The following SLC39A11 variants were observed in gnomAD, a reference collection of about 807,000 sequenced individuals.
SLC39A11 encodes solute carrier family 39 member 11.
SLC39A11 carries 33 observed loss-of-function variants against 36.1 expected under a neutral mutation model. The ratio of observed to expected loss-of-function variants is 0.91; its 90% confidence interval spans 0.69 to 1.22. The LOEUF (loss-of-function observed/expected upper bound fraction) is 1.22, where lower values mean the gene tolerates loss of function less well. Among genes scored for constraint, SLC39A11 ranks in the 50% most tolerant of loss-of-function variants. SLC39A11 has a pLI of 0.00. For missense variants in SLC39A11, 432 were observed against 430.3 expected, an observed-to-expected ratio of 1.00 and a Z score of -0.03; for synonymous variants, 166 against 170.3, an observed-to-expected ratio of 0.97 and a Z score of 0.20.
chr17:73,088,638 C>G lies in SLC39A11; in HGVS notation c.108+19G>C. ...ACGGGCTCCCCACCAACATCCAGAA[C>G]CAAAGCAAGGCAACTCACCTGTCCA... On this transcript the variant is annotated intron_variant, in intron 2 of 9. Coordinates refer to ENST00000255559, the MANE Select transcript of SLC39A11 (RefSeq NM_139177.4). The G allele has an allele frequency of 1.2e-6, 2 of 1,601,764 alleles. No individual in the cohort carries two copies. Among genetic ancestry groups the G allele is most frequent in the Non-Finnish European group, 1.7e-6 (2 of 1,172,688 alleles).
intron 4 of SLC39A11, among the ~76,000 whole-genome samples, chr17:72,962,696 C>G (rs1181600592): frequency 6.6e-6 from 1 of 152,154 alleles, no homozygotes; most frequent in South Asian, 2.1e-4. Flanking sequence ...GCCACCACAC[C>G]TGGCTAAGTT....
intron 2 of SLC39A11, among the ~76,000 whole-genome samples, chr17:73,085,560 T>C (rs909624814): frequency 6.7e-6 from 1 of 149,082 alleles, no homozygotes; most frequent in Non-Finnish European, 1.5e-5. Flanking sequence ...GAGAATCCCT[T>C]GAACTCGGGA....
chr17:72,821,684 C>T (rs551377125), intron 6 of SLC39A11: 2 of 151,224 alleles, frequency 1.3e-5, no homozygotes, highest in East Asian at 3.9e-4. Context: ...TTTAAAAGAT[C>T]AAGTTCAACT....
At chr17:72,780,739 G>A (rs1343713534) in intron 6 of SLC39A11, among the ~76,000 whole-genome samples, 1 of 152,084 alleles carries the variant, frequency 6.6e-6, no homozygotes, top group Non-Finnish European at 1.5e-5. Flanking sequence ...GTTAATCCCA[G>A]CACTTTGGGA....
Position 72,649,229 on chromosome 17 carries a change from C to A in SLC39A11, c.711G>T (p.Glu237Asp). Residue 237 changes from glutamate to aspartate, a missense_variant, in exon 8 of 10, where the codon GAG (glutamate) becomes GAT (aspartate). Physicochemically the swap from Glu to Asp is conservative, Grantham distance 45. Transcript: ENST00000255559. ...GCAAGGGAAGGCTGACAGCCAGGCC[C>A]TCGGGGAAATTCTGGATCCCGATTC... Reference protein sequence around the residue: ...AIGIGIQNFPEGLAVSLPLRG... With the variant: ...AIGIGIQNFPDGLAVSLPLRG... 1 of 1,614,232 alleles carries A rather than the reference C, an allele frequency of 6.2e-7. No homozygotes were observed.
intron 4 of SLC39A11, among the ~76,000 whole-genome samples, chr17:73,008,869 C>T (rs2090340847): frequency 6.6e-6 from 1 of 151,250 alleles, no homozygotes; most frequent in Non-Finnish European, 1.5e-5. Flanking sequence ...GCCTGGGCAA[C>T]ATAGTGAGAT....
At chr17:72,890,834 A>C (rs2081702816) in intron 5 of SLC39A11, among the ~76,000 whole-genome samples, 1 of 152,130 alleles carries the variant, frequency 6.6e-6, no homozygotes, top group Non-Finnish European at 1.5e-5. Flanking sequence ...AAACTAATTT[A>C]ATGGATAGGC....
At position 72,862,844 on chromosome 17, in the gene SLC39A11, C is replaced by A. The variant is rs1235268635; in HGVS notation, c.431-13040G>T. Among the ~76,000 whole-genome samples, 7 of 152,244 alleles carry A rather than the reference C, an allele frequency of 4.6e-5. No homozygotes were observed. The South Asian group carries it at 1.2e-3, about 27-fold the overall frequency. ...GGGAAGCTGAGGCCACATGTGCATG[C>A]GGGAGCAGACTGTGAGTAGCTGTAT... On this transcript the variant is annotated intron_variant, in intron 5 of 9. Coordinates refer to ENST00000255559, the MANE Select transcript of SLC39A11 (RefSeq NM_139177.4).
At chr17:72,929,470 G>T (rs576192903) in intron 5 of SLC39A11, among the ~76,000 whole-genome samples, 1 of 152,098 alleles carries the variant, frequency 6.6e-6, no homozygotes, top group Non-Finnish European at 1.5e-5. Context: ...CAGGCCAGGG[G>T]TCATCATGGT....
intron 7 of SLC39A11, among the ~76,000 whole-genome samples, chr17:72,718,418 A>G (rs2249330): frequency 0.3 from 46,128 of 152,154 alleles, 8,798 homozygotes; most frequent in African/African-American, 0.53. Context: ...CAGCCTGGGC[A>G]ACAGAGCAAG....
At chr17:72,919,666 C>T (rs554719215) in intron 5 of SLC39A11, among the ~76,000 whole-genome samples, 4 of 113,960 alleles carry the variant, frequency 3.5e-5, no homozygotes, top group South Asian at 2.8e-4. Context: ...AGGGAGAGTC[C>T]GTCAAAAAAA....
chr17:72,874,184 T>A (rs1208419092), intron 5 of SLC39A11, among the ~76,000 whole-genome samples: 2 of 152,088 alleles, frequency 1.3e-5, no homozygotes, highest in Non-Finnish European at 2.9e-5. Context: ...TGCAATAAAG[T>A]CTTAATGGTT....
intron 7 of SLC39A11, among the ~76,000 whole-genome samples, chr17:72,712,241 T>C (rs2073133781): frequency 6.6e-6 from 1 of 152,202 alleles, no homozygotes; most frequent in African/African-American, 2.4e-5. Flanking sequence ...ACATGTGACA[T>C]ATGTGGACTT....
intron 6 of SLC39A11, chr17:72,818,942 T>G (rs1470807786): frequency 2.0e-5 from 3 of 152,194 alleles, no homozygotes; most frequent in African/African-American, 7.2e-5. Flanking sequence ...ATCTTCACTT[T>G]GAGAAGAAAC....
intron 6 of SLC39A11, among the ~76,000 whole-genome samples, chr17:72,742,840 C>G (rs1038450480): frequency 4.6e-5 from 7 of 152,314 alleles, no homozygotes; most frequent in Admixed American, 6.5e-5. Flanking sequence ...TCTGCTGATT[C>G]TCCCATTGAG....
intron 8 of SLC39A11, 21 bp downstream of exon 8, chr17:72,649,149 T>C (rs369134477): frequency 1.2e-6 from 2 of 1,606,658 alleles, no homozygotes; most frequent in Non-Finnish European, 8.5e-7. Flanking sequence ...TGACATGGCC[T>C]TGCCCTTGGG....
At chr17:73,057,213 G>A (rs529709574) in intron 3 of SLC39A11, among the ~76,000 whole-genome samples, 7 of 152,278 alleles carry the variant, frequency 4.6e-5, no homozygotes, top group East Asian at 1.9e-4. Flanking sequence ...CCACGCACCC[G>A]CCTTGTCCTC....
intron 6 of SLC39A11, among the ~76,000 whole-genome samples, chr17:72,780,494 C>T (rs1347283838): frequency 8.0e-6 from 1 of 125,220 alleles, no homozygotes; most frequent in Non-Finnish European, 1.6e-5. Flanking sequence ...ACTACGTGCA[C>T]CGCACAGTGC....
chr17:72,984,633 G>A (rs985719052), intron 4 of SLC39A11, among the ~76,000 whole-genome samples: 3 of 152,174 alleles, frequency 2.0e-5, no homozygotes, highest in Admixed American at 6.5e-5. Flanking sequence ...CCAGCAACCC[G>A]TGTTTCCGCA....
Sources: gnomAD v4.1 joint callset for allele counts (sites outside exome capture counted in the v4.1 genomes callset) on GRCh38, gnomAD v4.1.1 for gene constraint, MANE v1.5 for transcripts, NCBI Gene and HGNC (gene_info 2026-07-23, HGNC 2026-07-21) for gene names.